Variants in ODAD3 observed in about 807,000 individuals in gnomAD.
The protein encoded by ODAD3 is outer dynein arm-docking complex subunit 3.
In ODAD3, 57 loss-of-function variants were observed where a neutral mutation model predicts 70.9. The ratio of observed to expected loss-of-function variants is 0.80; its 90% CI spans 0.65 to 1.00. ODAD3 has a LOEUF of 1.00. ODAD3 is among the 50% of genes least tolerant of loss of function. ODAD3 has a pLI of 0.00. For missense variants in ODAD3, 797 were observed against 763.9 expected (o/e 1.04, Z -0.51); for synonymous variants, 327 against 315.9 (o/e 1.04, Z -0.37).
chr19:11,431,455 C>T (rs1341162139), intron 1 of ODAD3, among the ~76,000 whole-genome samples: 1 of 151,696 alleles, frequency 6.6e-6, no homozygotes, highest in Non-Finnish European at 1.5e-5. Context: ...ACCAGCCTGG[C>T]CAACATGGTA....
At position 11,426,721 on chromosome 19, in the gene ODAD3, T is replaced by C; in HGVS notation, c.676A>G (p.Ile226Val). The change falls in exon 5 of 13, where the codon ATT becomes GTT. Residue 226 changes from isoleucine (I) to valine (V), a missense_variant. Coordinates refer to ENST00000356392, the MANE Select transcript of ODAD3 (RefSeq NM_145045.5). ...AQMKAQEAEH[I>V]TSVYLQLKAY... is the part of the protein sequence containing the mutation. The stretch of plus-strand genomic sequence containing the variant: ...TTGAGCTGCAGGTACACGCTGGTAA[T>C]GTGCTCGGCCTCCTGCGCCTTCATC... 6.2e-7 allele frequency: 1 copy of C among 1,613,970 alleles called. No homozygotes were observed. Among genetic ancestry groups the C allele is most frequent in the South Asian group, 1.1e-5 (1 of 91,066 alleles).
At chr19:11,431,101 T>C (rs1969494660) in intron 1 of ODAD3, 81 bp from the exon 2 acceptor site, 2 of 1,545,664 alleles carry the variant, frequency 1.3e-6, no homozygotes, top group South Asian at 1.2e-5. Context: ...AGACCTTTTT[T>C]GCAATCATCA....
chr19:11,433,649 A>G (rs770818451), intron 1 of ODAD3, among the ~76,000 whole-genome samples: 1 of 152,242 alleles, frequency 6.6e-6, no homozygotes, highest in Non-Finnish European at 1.5e-5. Context: ...TGCTCAGGCC[A>G]GGTGCAGCGG....
At position 11,430,993 on chromosome 19, in the gene ODAD3, C is replaced by G. The variant is rs1159224417; in HGVS notation, c.272G>C (p.Ser91Thr). Reference sequence around the variant, plus strand: ...GTTCTTCTTGATGTTCCACTGAGAGCTCTCAAAAAAAGCCTTCCGGTCACC... The same window carrying G: ...GTTCTTCTTGATGTTCCACTGAGAGGTCTCAAAAAAAGCCTTCCGGTCACC... ...LEGDRKAFFE[S>T]SQWNIKKNQE... Residue 91 changes from serine to threonine, a missense_variant, in exon 2 of 13, where the codon AGC becomes ACC. Coordinates refer to ENST00000356392, the MANE Select transcript of ODAD3 (RefSeq NM_145045.5). 2 of 1,614,118 alleles carry G rather than the reference C, an allele frequency of 1.2e-6. No individual in the cohort carries two copies. Among genetic ancestry groups the G allele is most frequent in the Admixed American group, 1.7e-5 (1 of 60,008 alleles).
At chr19:11,423,735 G>C in intron 8 of ODAD3, 142 bp downstream of exon 8, 1 of 809,846 alleles carries the variant, frequency 1.2e-6, no homozygotes, top group South Asian at 1.9e-5. Context: ...TGTTTTTCAA[G>C]AAAGGAGCAG....
Position 11,426,566 on chromosome 19 carries a change from C to G in ODAD3, c.720G>C (p.Glu240Asp). The change falls in exon 6 of 13, where the codon GAG becomes GAC. Residue 240 changes from glutamate (E) to aspartate (D), a missense_variant. Glu to Asp is a conservative substitution (Grantham distance 45). Coordinates refer to ENST00000356392, the MANE Select transcript of ODAD3 (RefSeq NM_145045.5). ...CCAGCCGGTTCTCCAAGTTGAGGCT[C>G]TCGTCCTGGGGCGTGGTGGGGAGGG... ...YLQLKAYLMDESLNLENRLDS... is the reference protein window; with the variant it reads ...YLQLKAYLMDDSLNLENRLDS... 2.5e-6 allele frequency: 4 copies of G among 1,614,052 alleles called. No homozygotes were observed. Among genetic ancestry groups the G allele is most frequent in the East Asian group, 2.2e-5 (1 of 44,888 alleles).
At chr19:11,426,093 TTGTGC>T (rs769181849) in intron 7 of ODAD3, 46 bp downstream of exon 7, 12 of 1,580,282 alleles carry the variant, frequency 7.6e-6, no homozygotes, top group South Asian at 3.4e-5. Flanking sequence ...CATGGCTGGT[TTGTGC>T]TGGGCTGGGC....
At chr19:11,425,454 T>TGTGTGTGTATATATAC (rs1969325636) in intron 7 of ODAD3, among the ~76,000 whole-genome samples, 1 of 139,206 alleles carries the variant, frequency 7.2e-6, no homozygotes, top group African/African-American at 2.9e-5. Flanking sequence ...TATATACATA[T>TGTGTGTGTATATATAC]ATGTGTGTGT....
In ODAD3 at chr19:11,420,931, C is replaced by T. The variant is rs1234202346; in HGVS notation, c.1692G>A (p.Glu564=). ...KDKFFDEESE[E]EDNEVVTRAS... is the part of the protein sequence containing the mutation. ...CGCGGGTCACTACCTCGTTGTCCTC[C>T]TCCTCACTCTCTTCGTCTAAGGGGG... The change falls in exon 13 of 13, where the codon GAG becomes GAA. Residue 564 remains glutamate, a synonymous_variant. Transcript: ENST00000356392. The T allele has an allele frequency of 1.2e-6, 2 of 1,613,924 alleles. No individual in the cohort carries two copies. Among genetic ancestry groups the T allele is most frequent in the Admixed American group, 1.7e-5 (1 of 60,008 alleles).
chr19:11,435,004 G>C lies in ODAD3; in HGVS notation c.13C>G (p.Leu5Val). 1.9e-6 allele frequency: 3 copies of C among 1,611,418 alleles called. No homozygotes were observed. The highest frequency in any genetic ancestry group is 1.7e-6 in the Non-Finnish European group (2 of 1,179,760). The change falls in exon 1 of 13, where the codon CTG becomes GTG. Residue 5 changes from leucine to valine, a missense_variant. Physicochemically the swap from Leu to Val is conservative, Grantham distance 32. Coordinates refer to ENST00000356392, the MANE Select transcript of ODAD3 (RefSeq NM_145045.5). ...GCGTTGGCGGAGGCCGCCCTGCACA[G>C]AGGAGATGTCATGATGGGGTTGGGG... Reference protein sequence around the residue: MTSPLCRAASANALP... With the variant: MTSPVCRAASANALP...
At chr19:11,432,092 C>T (rs1969515784) in intron 1 of ODAD3, among the ~76,000 whole-genome samples, 2 of 152,070 alleles carry the variant, frequency 1.3e-5, no homozygotes, top group South Asian at 4.1e-4. Context: ...GCCTGGGCAA[C>T]AGAGCAAGAC....
chr19:11,429,357 G>A (rs915338425), intron 3 of ODAD3, among the ~76,000 whole-genome samples: 10 of 151,020 alleles, frequency 6.6e-5, no homozygotes, highest in African/African-American at 1.2e-4. Flanking sequence ...GACTACAGGC[G>A]CCCACCACCA....
chr19:11,433,250 C>T (rs1316010218), intron 1 of ODAD3, among the ~76,000 whole-genome samples: 4 of 152,102 alleles, frequency 2.6e-5, no homozygotes, highest in African/African-American at 4.8e-5. Flanking sequence ...TTCAACTCTG[C>T]CCACTAGATG....
rs770674468 is a variant in ODAD3 at position 11,425,331 on chromosome 19, A to G, written c.963+813T>C. ...TGTGTACATATGTGTATATGTACATATGTGTATATATGTATATATGTGTAT... is the reference window on the plus strand; with the variant it reads ...TGTGTACATATGTGTATATGTACATGTGTGTATATATGTATATATGTGTAT... On this transcript the variant is annotated intron_variant, in intron 7 of 12. Coordinates refer to ENST00000356392, the MANE Select transcript of ODAD3 (RefSeq NM_145045.5). 5.5e-5 allele frequency among the ~76,000 whole-genome samples: 7 copies of G among 127,282 alleles called. 1 individual carries two copies. Among genetic ancestry groups the G allele is most frequent in the African/African-American group, 1.4e-4 (4 of 28,758 alleles). 83.5% of individuals were successfully genotyped at this position (127,282 alleles called of 152,430 possible).
upstream of ODAD3, chr19:11,435,381 G>T: frequency 2.3e-6 from 1 of 433,884 alleles, no homozygotes; most frequent in Non-Finnish European, 4.1e-6. Flanking sequence ...GCCCCTGGGG[G>T]TTCGCGGGCA....
chr19:11,422,455 C>T lies in ODAD3; in HGVS notation c.1434+16G>A, dbSNP rs1969160659. ...CCCAGGAGGGCCTGTCGGGGCTTCCCCTGGGCGGGGCCTACCACAGTGATG... is the reference window on the plus strand; with the variant it reads ...CCCAGGAGGGCCTGTCGGGGCTTCCTCTGGGCGGGGCCTACCACAGTGATG... On this transcript the variant is annotated intron_variant, in intron 10 of 12. Coordinates refer to ENST00000356392, the MANE Select transcript of ODAD3 (RefSeq NM_145045.5). The surrounding 1 kb of genome is among the most constrained non-coding windows in gnomAD (Gnocchi z 4.6). The T allele has an allele frequency of 1.9e-6, 3 of 1,558,304 alleles. No individual in the cohort carries two copies. The highest frequency in any genetic ancestry group is 2.3e-5 in the East Asian group (1 of 43,426).
chr19:11,425,183 G>A (rs1253184462), intron 7 of ODAD3, among the ~76,000 whole-genome samples: 2 of 137,412 alleles, frequency 1.5e-5, no homozygotes, highest in South Asian at 2.3e-4. Flanking sequence ...GTACATATGT[G>A]TATATATACA....
upstream of ODAD3, chr19:11,435,617 TC>T: frequency 8.9e-7 from 1 of 1,128,948 alleles, no homozygotes; most frequent in South Asian, 1.3e-5. Flanking sequence ...AGTGACGGGG[TC>T]CAGAAATTTC....
At chr19:11,425,648 T>C (rs1337358366) in intron 7 of ODAD3, among the ~76,000 whole-genome samples, 1 of 131,284 alleles carries the variant, frequency 7.6e-6, no homozygotes, top group Admixed American at 7.2e-5. Flanking sequence ...TATATGTATA[T>C]ACGTATATAT....
Sources: allele counts gnomAD v4.1 joint callset (sites outside exome capture counted in the v4.1 genomes callset), GRCh38; gene constraint gnomAD v4.1.1; non-coding constraint Gnocchi (gnomAD v3.1); transcripts MANE v1.5; gene names NCBI Gene and HGNC (gene_info 2026-07-23, HGNC 2026-07-21).